SLC10A6: variants seen among roughly 807,000 people sequenced by gnomAD.
The protein encoded by SLC10A6 is sodium-dependent organic anion transporter.
Under a neutral mutation model 30.0 loss-of-function variants are expected in SLC10A6, and 27 were observed. The observed-to-expected ratio is 0.90, with a 90% confidence interval of 0.66 to 1.24. The LOEUF is 1.24. Ranked by LOEUF, SLC10A6 falls within the 50% of genes most tolerant of loss-of-function variation. SLC10A6 has a pLI of 0.00. For synonymous variants in SLC10A6, 166 were observed against 173.8 expected (o/e 0.95, Z 0.36); for missense variants, 439 against 457.0 (o/e 0.96, Z 0.36).
At chr4:86,837,575 C>T in intron 1 of SLC10A6, 1 of 984,954 alleles carries the variant, frequency 1.0e-6, no homozygotes, top group Non-Finnish European at 1.2e-6. Flanking sequence ...AACCTTACCC[C>T]ACTTTTTGGT....
chr4:86,840,852 T>A (rs1746278038), intron 1 of SLC10A6, among the ~76,000 whole-genome samples: 1 of 152,238 alleles, frequency 6.6e-6, no homozygotes. Context: ...CAAACTTGTC[T>A]TAGCAGTTCT....
chr4:86,848,685 T>A, intron 1 of SLC10A6, 54 bp downstream of exon 1: 1 of 1,508,628 alleles, frequency 6.6e-7, no homozygotes, highest in Non-Finnish European at 8.9e-7. Flanking sequence ...GTTTCAGTTA[T>A]TCCCCCTAGG....
At chr4:86,834,110 G>A (rs767529192) in intron 1 of SLC10A6, among the ~76,000 whole-genome samples, 3 of 152,106 alleles carry the variant, frequency 2.0e-5, no homozygotes, top group Admixed American at 1.3e-4. Context: ...GAAATATTTC[G>A]GTCACAGGGG....
In SLC10A6 at chr4:86,823,880, T is replaced by C; in HGVS notation, c.942A>G (p.Arg314=). ...IVAAYQTYKR[R]LKNKHGKKNS... is the part of the protein sequence containing the mutation. ...TCTTTTTTCCATGTTTGTTCTTCAA[T>C]CTCCTCTTGTACGTCTGATATGCTA... Residue 314 remains arginine, a synonymous_variant, in exon 6 of 6, where the codon AGA becomes AGG. Coordinates refer to ENST00000273905, the MANE Select transcript of SLC10A6 (RefSeq NM_197965.3). The C allele has an allele frequency of 6.2e-7, 1 of 1,612,758 alleles. No homozygotes were observed. The highest frequency in any genetic ancestry group is 8.5e-7 in the Non-Finnish European group (1 of 1,179,346).
At chr4:86,834,986 T>C (rs1746155757) in intron 1 of SLC10A6, among the ~76,000 whole-genome samples, 1 of 152,152 alleles carries the variant, frequency 6.6e-6, no homozygotes, top group Non-Finnish European at 1.5e-5. Flanking sequence ...GGAGATGGCA[T>C]TAACCATTCA....
At chr4:86,833,217 C>A in intron 2 of SLC10A6, 89 bp downstream of exon 2, 1 of 1,041,872 alleles carries the variant, frequency 9.6e-7, no homozygotes, top group Non-Finnish European at 1.4e-6. Flanking sequence ...CAAAAAAATC[C>A]CTGCATAAAG....
chr4:86,832,441 C>T (rs1269720322), intron 2 of SLC10A6, among the ~76,000 whole-genome samples: 1 of 151,916 alleles, frequency 6.6e-6, no homozygotes, highest in Non-Finnish European at 1.5e-5. Context: ...CCTGTCTCTC[C>T]TAAAATACCA....
intron 2 of SLC10A6, among the ~76,000 whole-genome samples, chr4:86,832,891 T>C (rs1746104151): frequency 6.6e-6 from 1 of 152,198 alleles, no homozygotes; most frequent in South Asian, 2.1e-4. Flanking sequence ...GAAGGTCTAA[T>C]TAGAGCCACT....
At chr4:86,838,102 C>T (rs1746230341) in intron 1 of SLC10A6, among the ~76,000 whole-genome samples, 1 of 152,216 alleles carries the variant, frequency 6.6e-6, no homozygotes, top group Admixed American at 6.5e-5. Context: ...GACAAAGCAG[C>T]ATCTGTTTTA....
At chr4:86,838,104 T>C (rs1746230374) in intron 1 of SLC10A6, among the ~76,000 whole-genome samples, 1 of 152,212 alleles carries the variant, frequency 6.6e-6, no homozygotes, top group Non-Finnish European at 1.5e-5. Context: ...CAAAGCAGCA[T>C]CTGTTTTACT....
chr4:86,837,225 G>GAGAAGGAA (rs1746202187), intron 1 of SLC10A6, among the ~76,000 whole-genome samples: 3 of 39,120 alleles, frequency 7.7e-5, no homozygotes, highest in Admixed American at 7.4e-4. Context: ...GAGAGAGAGA[G>GAGAAGGAA]AGAAAGAAAG....
intron 3 of SLC10A6, among the ~76,000 whole-genome samples, chr4:86,830,604 C>T (rs1746061650): frequency 6.6e-6 from 1 of 152,110 alleles, no homozygotes; most frequent in South Asian, 2.1e-4. Context: ...TCTCATTCTC[C>T]ATCGCACTGA....
chr4:86,842,880 T>A (rs1206697951), intron 1 of SLC10A6, among the ~76,000 whole-genome samples: 2 of 116,574 alleles, frequency 1.7e-5, no homozygotes, highest in Non-Finnish European at 3.3e-5. Context: ...CTTTCTTTTT[T>A]TTTTTGAGAT....
intron 3 of SLC10A6, among the ~76,000 whole-genome samples, chr4:86,828,956 GA>G (rs1746039102): frequency 1.3e-5 from 2 of 152,140 alleles, no homozygotes; most frequent in Non-Finnish European, 2.9e-5. Context: ...ACCTTGATTT[GA>G]AATGATTCAG....
chr4:86,823,819 A>G lies in SLC10A6; in HGVS notation c.1003T>C (p.Ser335Pro), dbSNP rs1228616590. ...GCTEVCHTRK[S>P]TSSRETNAFL... ...GCATTGGTCTCTCTGGAAGAAGTCG[A>G]TTTCCTCGTATGGCAGACTTCTGTG... Residue 335 changes from serine to proline, a missense_variant, in exon 6 of 6, where the codon TCG (serine) becomes CCG (proline). Physicochemically the swap from Ser to Pro is moderately conservative, Grantham distance 74. Coordinates refer to ENST00000273905, the MANE Select transcript of SLC10A6 (RefSeq NM_197965.3). 1.2e-6 allele frequency: 2 copies of G among 1,614,142 alleles called. No homozygotes were observed. Among genetic ancestry groups the G allele is most frequent in the Non-Finnish European group, 1.7e-6 (2 of 1,180,014 alleles).
In SLC10A6 at chr4:86,823,721, G is replaced by T. The variant is rs569333477; in HGVS notation, c.1101C>A (p.Leu367=). ...ATGAAGTGATGTGGCCAACTGGCTCGAGAGCCCTGTGGCAATCCATTGGCC... is the reference window on the plus strand; with the variant it reads ...ATGAAGTGATGTGGCCAACTGGCTCTAGAGCCCTGTGGCAATCCATTGGCC... ...PPGPMDCHRA[L]EPVGHITSCE is the part of the protein sequence containing the mutation. The change falls in exon 6 of 6, where the codon CTC becomes CTA. Residue 367 remains leucine, a synonymous_variant. Transcript: ENST00000273905. 3.1e-6 allele frequency: 5 copies of T among 1,613,098 alleles called. No individual in the cohort carries two copies. In the African/African-American group the frequency reaches 5.3e-5, roughly 17 times the overall value.
chr4:86,837,331 A>C lies in SLC10A6; in HGVS notation c.378-3907T>G, dbSNP rs771737471. On this transcript the variant is annotated intron_variant, in intron 1 of 5. Transcript: ENST00000273905. ...GAAGGAAGGAAGGAAGGAAGGAAGG[A>C]AGGAAGGAAGGAAGGCAGGCAGGCA... 3.8e-4 allele frequency among the ~76,000 whole-genome samples: 50 copies of C among 130,884 alleles called. 7 individuals carry two copies. The highest frequency in any genetic ancestry group is 3.5e-3 in the Middle Eastern group (1 of 282). 85.9% of individuals were successfully genotyped at this position (130,884 alleles called of 152,430 possible).
chr4:86,834,195 G>A (rs1746141912), intron 1 of SLC10A6, among the ~76,000 whole-genome samples: 1 of 152,090 alleles, frequency 6.6e-6, no homozygotes, highest in Non-Finnish European at 1.5e-5. Flanking sequence ...ATGAGCTCTA[G>A]TTGTTAAAAA....
chr4:86,834,776 G>A (rs1020073757), intron 1 of SLC10A6, among the ~76,000 whole-genome samples: 7 of 152,136 alleles, frequency 4.6e-5, no homozygotes, highest in African/African-American at 1.7e-4. Context: ...TCTGCAGGCT[G>A]TACAAGCATG....
Sources: allele counts gnomAD v4.1 joint callset (sites outside exome capture counted in the v4.1 genomes callset), GRCh38; gene constraint gnomAD v4.1.1; transcripts MANE v1.5; gene names NCBI Gene and HGNC (gene_info 2026-07-23, HGNC 2026-07-21).